Variants in SFPQ observed in about 807,000 individuals in gnomAD.
SFPQ encodes the protein splicing factor, proline- and glutamine-rich.
SFPQ carries 11 observed loss-of-function variants against 72.9 expected under a neutral mutation model. That is an observed-to-expected ratio of 0.15 (90% CI 0.09 to 0.25). SFPQ has a LOEUF of 0.25. Ranked by LOEUF, SFPQ falls within the 10% of genes least tolerant of loss-of-function variation. SFPQ has a pLI of 1.00. For missense variants in SFPQ, 847 were observed against 993.3 expected (o/e 0.85, Z 1.98); for synonymous variants, 506 against 367.3 (o/e 1.38, Z -4.32).
chr1:35,183,147 C>G lies in SFPQ; in HGVS notation c.*1309G>C. On this transcript the variant is annotated 3_prime_UTR_variant, in exon 10 of 10. Transcript: ENST00000357214. ...TTTTTATAGTCCTATAGATTTTGCC[C>G]AACAGAAGTAGCACAAGGAGATGTA... 9.7e-7 allele frequency: 1 copy of G among 1,025,852 alleles called. No individual in the cohort carries two copies. Among genetic ancestry groups the G allele is most frequent in the Non-Finnish European group, 1.2e-6 (1 of 854,298 alleles). The allele number at this position is 1,025,852 out of a possible 1,614,324, so 63.5% of individuals were successfully genotyped here.
At chr1:35,182,812 C>G (rs1304060061), downstream of SFPQ, 1 of 1,050,694 alleles carries the variant, frequency 9.5e-7, no homozygotes, top group Non-Finnish European at 1.1e-6. Context: ...CATATTTACA[C>G]TGGGAAATCA....
At chr1:35,185,223 A>T (rs1639648475) in intron 9 of SFPQ, among the ~76,000 whole-genome samples, 1 of 152,234 alleles carries the variant, frequency 6.6e-6, no homozygotes, top group Non-Finnish European at 1.5e-5. Context: ...TGATCAAAAA[A>T]ACTTATGTTG....
downstream of SFPQ, chr1:35,181,004 G>A (rs544211080): frequency 8.4e-6 from 9 of 1,065,146 alleles, no homozygotes; most frequent in Admixed American, 2.7e-4. Context: ...CAGTTTTGAT[G>A]TAAGCTAGCT....
Position 35,192,288 on chromosome 1 carries a change from C to T in SFPQ, c.762G>A (p.Gln254=), listed in dbSNP as rs1278122886. The change falls in exon 1 of 10, where the codon CAG becomes CAA. Residue 254 remains glutamine (Q), a synonymous_variant. Transcript: ENST00000357214. ...CGCCGGGCGGGGGCCCCTGGTGATG[C>T]TGCTGGTGGTAGGGCGGGTGGTGCT... The part of the protein sequence containing the change: ...GRQHHPPYHQ[Q]HHQGPPPGGP... 1 of 1,461,926 alleles carries T rather than the reference C, an allele frequency of 6.8e-7. No individual in the cohort carries two copies. Among genetic ancestry groups the T allele is most frequent in the South Asian group, 1.3e-5 (1 of 76,762 alleles). 90.6% of individuals were successfully genotyped at this position (1,461,926 alleles called of 1,614,324 possible).
intron 9 of SFPQ, among the ~76,000 whole-genome samples, chr1:35,186,217 C>T (rs1208795282): frequency 2.6e-5 from 4 of 152,178 alleles, no homozygotes; most frequent in Non-Finnish European, 2.9e-5. Context: ...TTCAACTCAG[C>T]TATAAAAATG....
chr1:35,180,843 T>C (rs1639438287), downstream of SFPQ: 1 of 985,408 alleles, frequency 1.0e-6, no homozygotes, highest in Non-Finnish European at 1.2e-6. Flanking sequence ...ACCACTGATG[T>C]GTTCCATGTT....
chr1:35,190,770 T>C lies in SFPQ; in HGVS notation c.1243A>G (p.Ile415Val), dbSNP rs751997930. 1.1e-5 allele frequency: 18 copies of C among 1,614,116 alleles called. No homozygotes were observed. The highest frequency in any genetic ancestry group is 2.2e-5 in the East Asian group (1 of 44,902). ...DDRGRSTGKG[I>V]VEFASKPAAR... ...GCTGGCTTAGAAGCAAATTCAACAA[T>C]GCCTTTCCCTGTAGATCTTCCACGA... Residue 415 changes from isoleucine to valine, a missense_variant, in exon 3 of 10, where the codon ATT (isoleucine) becomes GTT (valine). Physicochemically the swap from Ile to Val is conservative, Grantham distance 29 (BLOSUM62 3). Around this residue, in one of 6 missense-constraint regions of SFPQ, gnomAD observed 132 missense variants for 255.4 expected, o/e 0.52. Coordinates refer to ENST00000357214, the MANE Select transcript of SFPQ (RefSeq NM_005066.3).
downstream of SFPQ, chr1:35,178,099 G>C: frequency 8.3e-7 from 1 of 1,201,586 alleles, no homozygotes; most frequent in Non-Finnish European, 1.0e-6. Flanking sequence ...GTTTGAAAAT[G>C]CTAGTCAACT....
In SFPQ at chr1:35,187,258, GAAA is replaced by G. The variant is rs765294564; in HGVS notation, c.1816-10_1816-8del. ...TTCGCATGTCTCTTTCCCGCTGCAA[GAAA>G]AAAATTCCTTTCAATATACCTGCAC... On this transcript the variant is annotated splice_region_variant and splice_polypyrimidine_tract_variant and intron_variant, in intron 7 of 9. Coordinates refer to ENST00000357214, the MANE Select transcript of SFPQ (RefSeq NM_005066.3). 21 of 1,613,734 alleles carry G rather than the reference GAAA, an allele frequency of 1.3e-5. No homozygotes were observed. In the Admixed American group the frequency reaches 3.5e-4, roughly 27 times the overall value.
In SFPQ at chr1:35,192,496, G is replaced by A. The variant is rs1380521855; in HGVS notation, c.554C>T (p.Pro185Leu). The A allele has an allele frequency of 7.5e-6, 10 of 1,325,948 alleles. No individual in the cohort carries two copies. The highest frequency in any genetic ancestry group is 8.3e-5 in the Admixed American group (2 of 24,024). 82.1% of individuals were successfully genotyped at this position (1,325,948 alleles called of 1,614,324 possible). A position where few individuals can be genotyped will look rare whatever the true frequency, so the allele number is the denominator to read the frequency against. Residue 185 changes from proline (P) to leucine (L), a missense_variant, in exon 1 of 10, where the codon CCG becomes CTG. Pro to Leu is a moderately conservative substitution (Grantham distance 98, BLOSUM62 -3). Around this residue, in one of 6 missense-constraint regions of SFPQ, gnomAD observed 498 missense variants for 405.1 expected, o/e 1.23. Coordinates refer to ENST00000357214, the MANE Select transcript of SFPQ (RefSeq NM_005066.3). The part of the protein sequence containing the change: ...PTTPPQAGGP[P>L]PPPAAVPGPG... ...GCCCGGGACTGCCGCGGGCGGAGGC[G>A]GCGGGCCTCCGGCCTGAGGAGGTGT... is the stretch of plus-strand genomic sequence containing the variant.
At chr1:35,180,902 A>G (rs1639441156), downstream of SFPQ, 2 of 985,206 alleles carry the variant, frequency 2.0e-6, no homozygotes, top group Non-Finnish European at 2.4e-6. Flanking sequence ...TGAGTCAGAT[A>G]TACCAAAGAA....
At chr1:35,181,102 T>C, downstream of SFPQ, 2 of 1,065,034 alleles carry the variant, frequency 1.9e-6, no homozygotes, top group Non-Finnish European at 2.3e-6. Context: ...TACATACAAG[T>C]CACCAAGTTA....
In SFPQ at chr1:35,186,600, C is replaced by A. The variant is rs372372175; in HGVS notation, c.1986+401G>T. Reference sequence around the variant, plus strand: ...AAAGCTTCAAACTACAAGTCTGATTCCTACTTATGGCAAATACCAGCTTAA... The same window carrying A: ...AAAGCTTCAAACTACAAGTCTGATTACTACTTATGGCAAATACCAGCTTAA... On this transcript the variant is annotated intron_variant, in intron 9 of 9. Transcript: ENST00000357214. Among the ~76,000 whole-genome samples the A allele has an allele frequency of 2.3e-4, 35 of 150,844 alleles. No individual in the cohort carries two copies. In the East Asian group the frequency reaches 5.2e-3, roughly 23 times the overall value.
chr1:35,186,666 A>G (rs3738696), intron 9 of SFPQ, among the ~76,000 whole-genome samples: 1 of 152,174 alleles, frequency 6.6e-6, no homozygotes, highest in Non-Finnish European at 1.5e-5. Context: ...TTGGATGTAG[A>G]ATAATCAGAT....
chr1:35,186,487 G>A (rs986417995), intron 9 of SFPQ, among the ~76,000 whole-genome samples: 1 of 152,140 alleles, frequency 6.6e-6, no homozygotes, highest in Non-Finnish European at 1.5e-5. Context: ...GGTGGGAAAC[G>A]ACGAGTCAAA....
chr1:35,182,422 A>G (rs1283144212), downstream of SFPQ: 11 of 985,230 alleles, frequency 1.1e-5, no homozygotes, highest in Non-Finnish European at 1.3e-5. Context: ...TGAATGATAT[A>G]ATGAGCATTA....
In SFPQ at chr1:35,189,059, T is replaced by C; in HGVS notation, c.1641A>G (p.Arg547=). The C allele has an allele frequency of 1.2e-6, 2 of 1,613,106 alleles. No homozygotes were observed. The highest frequency in any genetic ancestry group is 1.9e-4 in the Middle Eastern group (1 of 5,180). ...QDLMRRQEEL[R]RMEELHNQEM... ...CTTGATTGTGAAGTTCTTCCATGCG[T>C]CTTAATTCTTCCTGTCGTCTCATCA... is the stretch of plus-strand genomic sequence containing the variant. Residue 547 remains arginine (R), a synonymous_variant, in exon 6 of 10, where the codon AGA becomes AGG. Transcript: ENST00000357214.
At chr1:35,179,641 A>G (rs1281253353), downstream of SFPQ, 1 of 1,055,318 alleles carries the variant, frequency 9.5e-7, no homozygotes, top group African/African-American at 1.7e-5. Flanking sequence ...GTAAGAACAC[A>G]CTAACGTCAC....
At chr1:35,187,327 A>C in intron 7 of SFPQ, 76 bp from the exon 8 acceptor site, 1 of 1,315,878 alleles carries the variant, frequency 7.6e-7, no homozygotes, top group Non-Finnish European at 1.1e-6. Context: ...AGAAATTTTC[A>C]AGAGTTAAAT....
Sources: gnomAD v4.1 joint callset for allele counts (sites outside exome capture counted in the v4.1 genomes callset) on GRCh38, gnomAD v4.1.1 for gene constraint, gnomAD v4.1.1 regional missense constraint, MANE v1.5 for transcripts, NCBI Gene and HGNC (gene_info 2026-07-23, HGNC 2026-07-21) for gene names.